LRP5: variants seen among roughly 807,000 people sequenced by gnomAD.
The protein encoded by LRP5 is LDL receptor related protein 5, also known as low-density lipoprotein receptor-related protein 5.
Under a neutral mutation model 154.1 loss-of-function variants are expected in LRP5, and 62 were observed. The ratio of observed to expected loss-of-function variants is 0.40; its 90% CI spans 0.33 to 0.50. LRP5 has a LOEUF of 0.50. LRP5 is among the 20% of genes least tolerant of loss of function. The pLI, the probability that LRP5 is intolerant of heterozygous loss-of-function variation, is 0.55. For synonymous variants in LRP5, 966 were observed against 1,011.5 expected, an observed-to-expected ratio of 0.96 and a Z score of 0.85; for missense variants, 1,915 against 2,336.7, an observed-to-expected ratio of 0.82 and a Z score of 3.72.
chr11:68,431,633 C>T (rs1182457304), intron 17 of LRP5, among the ~76,000 whole-genome samples: 3 of 152,206 alleles, frequency 2.0e-5, no homozygotes, highest in Admixed American at 2.0e-4. Flanking sequence ...TGCCTCACAC[C>T]TCGAGTTTGG....
chr11:68,300,999 G>A, the LRP5 span, among the ~76,000 whole-genome samples: 17,929 of 147,324 alleles, frequency 0.12, 2,230 homozygotes, highest in African/African-American at 0.24. Context: ...ACGCGATCTC[G>A]GCTCATCACA....
At chr11:68,397,875 G>A (rs554424368) in intron 7 of LRP5, among the ~76,000 whole-genome samples, 38 of 152,168 alleles carry the variant, frequency 2.5e-4, no homozygotes, top group Middle Eastern at 6.8e-3. Flanking sequence ...CACTTACAGC[G>A]GGAGTGATGG....
chr11:68,415,414 A>G (rs1038322776), intron 12 of LRP5, among the ~76,000 whole-genome samples: 3 of 152,158 alleles, frequency 2.0e-5, no homozygotes, highest in Non-Finnish European at 2.9e-5. Flanking sequence ...GTTCACTACC[A>G]TTACCTGCCT....
At position 68,416,501 on chromosome 11, in the gene LRP5, A is replaced by G; in HGVS notation, c.3001A>G (p.Lys1001Glu). 6.2e-7 allele frequency: 1 copy of G among 1,613,892 alleles called. No homozygotes were observed. The highest frequency in any genetic ancestry group is 8.5e-7 in the Non-Finnish European group (1 of 1,180,032). The change falls in exon 13 of 23, where the codon AAG (lysine) becomes GAG (glutamate). Residue 1001 changes from lysine to glutamate, a missense_variant. Transcript: ENST00000294304. ...CTGGGTGGATGGGCGCCAGAACATCAAGCGAGCCAAGGACGACGGGACCCA... is the reference window on the plus strand; with the variant it reads ...CTGGGTGGATGGGCGCCAGAACATCGAGCGAGCCAAGGACGACGGGACCCA... Reference protein sequence around the residue: ...IYWVDGRQNIKRAKDDGTQPF... With the variant: ...IYWVDGRQNIERAKDDGTQPF...
Position 68,448,816 on chromosome 11 carries a change from A to C in LRP5, c.4594A>C (p.Ile1532Leu), listed in dbSNP as rs1202137792. The change falls in exon 23 of 23, where the codon ATC (isoleucine) becomes CTC (leucine). Residue 1532 changes from isoleucine (I) to leucine (L), a missense_variant. Ile to Leu is a conservative substitution (Grantham distance 5). This residue lies in a region of LRP5 where 1,094 missense variants were observed against 1,210.1 expected (regional missense o/e 0.90). Coordinates refer to ENST00000294304, the MANE Select transcript of LRP5 (RefSeq NM_002335.4). ...TGTGTGTGTCCCTTTCAGGCCCTAC[A>C]TCATTCGAGGAATGGCGCCCCCGAC... ...PATARPYRPY[I>L]IRGMAPPTTP... 36 of 1,605,674 alleles carry C rather than the reference A, an allele frequency of 2.2e-5. No individual in the cohort carries two copies. The highest frequency in any genetic ancestry group is 2.7e-5 in the Non-Finnish European group (32 of 1,179,940).
At chr11:68,404,320 T>C (rs1473688998) in intron 8 of LRP5, 1 of 530,596 alleles carries the variant, frequency 1.9e-6, no homozygotes, top group Non-Finnish European at 3.7e-6. Flanking sequence ...GGTCCCACAC[T>C]GCACCTGCTT....
chr11:68,314,591 C>G (rs1309393152), intron 1 of LRP5, among the ~76,000 whole-genome samples: 1 of 152,224 alleles, frequency 6.6e-6, no homozygotes, highest in Non-Finnish European at 1.5e-5. Context: ...AAGCTGTGAA[C>G]GCACGGAAAT....
chr11:68,380,422 G>A (rs757569222), intron 5 of LRP5, among the ~76,000 whole-genome samples: 4 of 152,180 alleles, frequency 2.6e-5, no homozygotes, highest in Non-Finnish European at 5.9e-5. Flanking sequence ...CGTGCAGGCC[G>A]CAGCACCGAA....
At chr11:68,310,004 G>A (rs1221970787), upstream of LRP5, among the ~76,000 whole-genome samples, 2 of 152,206 alleles carry the variant, frequency 1.3e-5, no homozygotes, top group Admixed American at 1.3e-4. Flanking sequence ...CCCTGGTACG[G>A]GCACAGGAAA....
In LRP5 at chr11:68,449,086, T is replaced by A. The variant is rs751489947; in HGVS notation, c.*16T>A. 2.0e-6 allele frequency: 3 copies of A among 1,520,564 alleles called. No individual in the cohort carries two copies. The highest frequency in any genetic ancestry group is 2.6e-6 in the Non-Finnish European group (3 of 1,137,338). The allele number at this position is 1,520,564 out of a possible 1,614,324, so 94.2% of individuals were successfully genotyped here. A position where few individuals can be genotyped will look rare whatever the true frequency, so the allele number is the denominator to read the frequency against. On this transcript the variant is annotated 3_prime_UTR_variant, in exon 23 of 23. Coordinates refer to ENST00000294304, the MANE Select transcript of LRP5 (RefSeq NM_002335.4). Reference sequence around the variant, plus strand: ...CTCATCCTGACCTCGGCCGGGCCACTCTGGCTTCTCTGTGCCCCTGTAAAT... The same window carrying A: ...CTCATCCTGACCTCGGCCGGGCCACACTGGCTTCTCTGTGCCCCTGTAAAT...
chr11:68,360,169 G>A (rs1000276290), intron 3 of LRP5, among the ~76,000 whole-genome samples: 20 of 151,962 alleles, frequency 1.3e-4, no homozygotes, highest in East Asian at 1.9e-4. Context: ...GTACCACCAC[G>A]CCTGGCTAAT....
intron 20 of LRP5, 92 bp downstream of exon 20, chr11:68,438,774 C>T: frequency 1.9e-6 from 2 of 1,068,554 alleles, no homozygotes; most frequent in Non-Finnish European, 2.8e-6. Context: ...CTACCCCAGG[C>T]CCTCTTGCAC....
chr11:68,335,325 T>C (rs10082622), intron 1 of LRP5, among the ~76,000 whole-genome samples: 1 of 151,978 alleles, frequency 6.6e-6, no homozygotes, highest in East Asian at 2.0e-4. Context: ...CCTCCCACCT[T>C]GGCCTCCCAA....
intron 1 of LRP5, among the ~76,000 whole-genome samples, chr11:68,337,248 C>G (rs548851871): frequency 6.6e-6 from 1 of 152,258 alleles, no homozygotes; most frequent in African/African-American, 2.4e-5. Flanking sequence ...AAGAGGAGCC[C>G]GGAAGCAGAC....
At chr11:68,389,665 G>A (rs1038502124) in intron 6 of LRP5, among the ~76,000 whole-genome samples, 20 of 149,838 alleles carry the variant, frequency 1.3e-4, no homozygotes, top group African/African-American at 4.7e-4. Flanking sequence ...GGCATCTACC[G>A]ACACTGATAT....
At chr11:68,313,672 C>T (rs2098590628) in intron 1 of LRP5, among the ~76,000 whole-genome samples, 1 of 152,262 alleles carries the variant, frequency 6.6e-6, no homozygotes, top group African/African-American at 2.4e-5. Flanking sequence ...CCTCTTGCTA[C>T]CTAAATCATT....
chr11:68,337,743 C>G (rs1259593275), intron 1 of LRP5, among the ~76,000 whole-genome samples: 4 of 151,470 alleles, frequency 2.6e-5, no homozygotes, highest in Non-Finnish European at 4.4e-5. Context: ...CCTGCCTGAT[C>G]CACCCACAGC....
At chr11:68,314,806 G>A (rs1374514483) in intron 1 of LRP5, among the ~76,000 whole-genome samples, 1 of 152,258 alleles carries the variant, frequency 6.6e-6, no homozygotes, top group Non-Finnish European at 1.5e-5. Context: ...ACCAAGTGCT[G>A]TGTGGAGCAC....
intron 2 of LRP5, among the ~76,000 whole-genome samples, chr11:68,350,341 C>T (rs1196942594): frequency 1.3e-5 from 2 of 152,248 alleles, no homozygotes; most frequent in African/African-American, 2.4e-5. Context: ...CCAGCCTGAC[C>T]TAGATCTTCT....
Sources: allele counts gnomAD v4.1 joint callset (sites outside exome capture counted in the v4.1 genomes callset), GRCh38; gene constraint gnomAD v4.1.1; regional missense constraint gnomAD v4.1.1; transcripts MANE v1.5; gene names NCBI Gene and HGNC (gene_info 2026-07-23, HGNC 2026-07-21).